The following ARL10 variants were observed in gnomAD, a reference collection of about 807,000 sequenced individuals.
ARL10 encodes ARF like GTPase 10, also known as ADP-ribosylation factor-like protein 10.
In ARL10, 23 loss-of-function variants were observed where a neutral mutation model predicts 26.1. That is an observed-to-expected ratio of 0.88 (90% CI 0.63 to 1.25). ARL10 has a LOEUF of 1.25. Ranked by LOEUF, ARL10 falls within the 50% of genes most tolerant of loss-of-function variation. ARL10 has a pLI of 0.00. For missense variants in ARL10, 300 were observed against 323.6 expected (o/e 0.93, Z 0.56); for synonymous variants, 138 against 149.1 (o/e 0.93, Z 0.54).
At chr5:176,393,471 G>A (rs1456536742), downstream of ARL10, among the ~76,000 whole-genome samples, 3 of 152,164 alleles carry the variant, frequency 2.0e-5, no homozygotes, top group Non-Finnish European at 4.4e-5. The surrounding 1 kb of genome is among the most constrained non-coding windows in gnomAD (Gnocchi z 4.4). Context: ...AAAGACTGTG[G>A]TCAAATACCT....
downstream of ARL10, chr5:176,384,348 G>A (rs773667107): frequency 1.2e-6 from 2 of 1,613,978 alleles, no homozygotes; most frequent in Non-Finnish European, 8.5e-7. Context: ...TATCTTGATA[G>A]TAATTCTTCT....
At chr5:176,394,982 G>A (rs1756451146) in intron 1 of ARL10, among the ~76,000 whole-genome samples, 1 of 152,016 alleles carries the variant, frequency 6.6e-6, no homozygotes, top group East Asian at 1.9e-4. Flanking sequence ...GAAGCCTCCT[G>A]TGGCTCCCCA....
At chr5:176,412,200 T>C in the ARL10 span, among the ~76,000 whole-genome samples, 3 of 150,394 alleles carry the variant, frequency 2.0e-5, no homozygotes, top group African/African-American at 4.9e-5. Context: ...AAAAGAATGC[T>C]TTTTTGGCTC....
At chr5:176,382,793 G>A (rs1319109156), downstream of ARL10, among the ~76,000 whole-genome samples, 2 of 152,166 alleles carry the variant, frequency 1.3e-5, no homozygotes, top group East Asian at 3.9e-4. Flanking sequence ...GCCTAGGGGT[G>A]GGGCTAGTGG....
At chr5:176,398,184 C>T (rs1400136033) in intron 1 of ARL10, 2 of 719,040 alleles carry the variant, frequency 2.8e-6, no homozygotes, top group East Asian at 5.3e-5. Flanking sequence ...GGTGACTACA[C>T]CTATCTTTGC....
downstream of ARL10, chr5:176,386,818 G>T: frequency 2.5e-6 from 4 of 1,608,090 alleles, no homozygotes; most frequent in Non-Finnish European, 3.4e-6. Context: ...GTGACCTAAA[G>T]GAATATATGG....
In ARL10 at chr5:176,372,125, A is replaced by G; in HGVS notation, c.*230A>G. The G allele has an allele frequency of 7.3e-7, 1 of 1,378,390 alleles. No individual in the cohort carries two copies. The allele number at this position is 1,378,390 out of a possible 1,614,324, so 85.4% of individuals were successfully genotyped here. Reference sequence around the variant, plus strand: ...GTGGGTGAGACAGAGGGTGGGGAGGATAGTGTCTGGCTCATTCCAGGCTGG... The same window carrying G: ...GTGGGTGAGACAGAGGGTGGGGAGGGTAGTGTCTGGCTCATTCCAGGCTGG... On this transcript the variant is annotated 3_prime_UTR_variant, in exon 4 of 4. Transcript: ENST00000310389.
the ARL10 span, chr5:176,410,338 G>T: frequency 3.6e-5 from 57 of 1,599,846 alleles, no homozygotes; most frequent in East Asian, 1.1e-3. Context: ...ATTACTCACT[G>T]TTTAGCTTAT....
downstream of ARL10, chr5:176,384,255 C>G (rs775509663): frequency 6.2e-7 from 1 of 1,614,250 alleles, no homozygotes; most frequent in Non-Finnish European, 8.5e-7. Context: ...TCTTCCTCTT[C>G]TGCAAAGAAT....
chr5:176,384,682 A>C (rs1323857996), downstream of ARL10: 1 of 420,912 alleles, frequency 2.4e-6, no homozygotes, highest in African/African-American at 2.0e-5. Context: ...AGGCAGGAGG[A>C]CTGTTTCAGC....
At position 176,373,348 on chromosome 5, in the gene ARL10, T is replaced by G; in HGVS notation, c.*1453T>G. On this transcript the variant is annotated 3_prime_UTR_variant, in exon 4 of 4. Transcript: ENST00000310389. ...CCCAATTGAAGGACTGGCTCTGTAC[T>G]GACACTTATTATCGGTACAGGCAAA... The G allele has an allele frequency of 3.3e-6, 1 of 303,234 alleles. No individual in the cohort carries two copies. The highest frequency in any genetic ancestry group is 6.0e-6 in the Non-Finnish European group (1 of 166,260). The allele number at this position is 303,234 out of a possible 1,614,324, so 18.8% of individuals were successfully genotyped here.
At position 176,368,163 on chromosome 5, in the gene ARL10, G is replaced by A. The variant is rs546838845; in HGVS notation, c.386-644G>A. On this transcript the variant is annotated intron_variant, in intron 2 of 3. Transcript: ENST00000310389. The surrounding 1 kb of genome is among the most constrained non-coding windows in gnomAD (Gnocchi z 4.1). ...GCAGAGGAGCAGAGAGGAAAAGAAA[G>A]GTGATCCAGGCTGGGGGACTGTGTT... 2 of 399,736 alleles carry A rather than the reference G, an allele frequency of 5.0e-6. No homozygotes were observed. Among genetic ancestry groups the A allele is most frequent in the Admixed American group, 3.0e-5 (1 of 33,460 alleles). The allele number at this position is 399,736 out of a possible 1,614,324, so 24.8% of individuals were successfully genotyped here. A position where few individuals can be genotyped will look rare whatever the true frequency, so the allele number is the denominator to read the frequency against.
downstream of ARL10, chr5:176,406,135 A>G (rs904619727): frequency 4.1e-6 from 4 of 986,424 alleles, no homozygotes; most frequent in Non-Finnish European, 3.6e-6. Context: ...CACGGGCCAC[A>G]ACTGGGCTCT....
downstream of ARL10, chr5:176,384,994 G>C (rs1240363202): frequency 1.7e-6 from 1 of 574,734 alleles, no homozygotes; most frequent in African/African-American, 1.9e-5. Context: ...CACCATGCGA[G>C]CAAAACATTT....
At chr5:176,394,638 C>T (rs1756424740) in intron 1 of ARL10, among the ~76,000 whole-genome samples, 1 of 132,256 alleles carries the variant, frequency 7.6e-6, no homozygotes, top group Non-Finnish European at 1.7e-5. Context: ...CACGGTGAAA[C>T]CCCGTCTCTA....
In ARL10 at chr5:176,369,079, G is replaced by C. The variant is rs781000200; in HGVS notation, c.561+97G>C. The C allele has an allele frequency of 5.2e-6, 8 of 1,548,380 alleles. No homozygotes were observed. In the South Asian group the frequency reaches 9.5e-5, roughly 18 times the overall value. On this transcript the variant is annotated intron_variant, in intron 3 of 3. Coordinates refer to ENST00000310389, the MANE Select transcript of ARL10 (RefSeq NM_173664.6). Reference sequence around the variant, plus strand: ...GCTGCCTGGGCCCATGGCCTGGAGAGGGTGGCTGAGATGCTGCCCCCACCT... The same window carrying C: ...GCTGCCTGGGCCCATGGCCTGGAGACGGTGGCTGAGATGCTGCCCCCACCT...
downstream of ARL10, chr5:176,389,515 G>T (rs368785968): frequency 1.9e-6 from 3 of 1,599,656 alleles, no homozygotes; most frequent in African/African-American, 4.0e-5. Context: ...GTCTGGCCTT[G>T]AAAGCTCCGC....
In ARL10 at chr5:176,368,593, A is replaced by C. The variant is rs190010219; in HGVS notation, c.386-214A>C. ...CAGAGCTAGAGCTAAATCCAGTCTG[A>C]GTAGCTGCGGAAACTGCGGTCTTTT... On this transcript the variant is annotated intron_variant, in intron 2 of 3. Transcript: ENST00000310389. The surrounding 1 kb of genome is among the most constrained non-coding windows in gnomAD (Gnocchi z 4.1). Among the ~76,000 whole-genome samples the C allele has an allele frequency of 8.1e-3, 1,232 of 151,744 alleles. 9 individuals are homozygous for C. Among genetic ancestry groups the C allele is most frequent in the Non-Finnish European group, 0.012 (837 of 67,780 alleles).
downstream of ARL10, chr5:176,406,144 C>G (rs1297152180): frequency 1.0e-6 from 1 of 986,526 alleles, no homozygotes; most frequent in Non-Finnish European, 1.2e-6. Context: ...CAACTGGGCT[C>G]TCGTTTAATC....
Sources: gnomAD v4.1 joint callset for allele counts (sites outside exome capture counted in the v4.1 genomes callset) on GRCh38, gnomAD v4.1.1 for gene constraint, Gnocchi (gnomAD v3.1) non-coding constraint, MANE v1.5 for transcripts, NCBI Gene and HGNC (gene_info 2026-07-23, HGNC 2026-07-21) for gene names.